The following PIK3C2G variants were observed in gnomAD, a reference collection of about 807,000 sequenced individuals.
PIK3C2G encodes phosphatidylinositol 3-kinase C2 domain-containing subunit gamma.
Under a neutral mutation model 181.1 loss-of-function variants are expected in PIK3C2G, and 168 were observed. That is an observed-to-expected ratio of 0.93 (90% confidence interval 0.82 to 1.05). PIK3C2G has a LOEUF of 1.05. Ranked by LOEUF, PIK3C2G falls within the 50% of genes least tolerant of loss-of-function variation. The pLI, the probability that PIK3C2G is intolerant of heterozygous loss-of-function variation, is 0.00. For synonymous variants in PIK3C2G, 573 were observed against 592.2 expected, an observed-to-expected ratio of 0.97 and a Z score of 0.47; for missense variants, 1,869 against 1,732.8, an observed-to-expected ratio of 1.08 and a Z score of -1.40.
chr12:18,431,239 A>AT (rs1333864692), intron 18 of PIK3C2G, among the ~76,000 whole-genome samples: 1 of 152,134 alleles, frequency 6.6e-6, no homozygotes, highest in Non-Finnish European at 1.5e-5. Context: ...TTAGTTTATC[A>AT]TTTTTTCATT....
the PIK3C2G span, among the ~76,000 whole-genome samples, chr12:18,703,180 T>G: frequency 6.6e-6 from 1 of 152,202 alleles, no homozygotes; most frequent in Non-Finnish European, 1.5e-5. Flanking sequence ...AATTCTTTAC[T>G]ATTTCTTTCC....
chr12:18,555,881 A>C (rs1194987204), intron 26 of PIK3C2G, among the ~76,000 whole-genome samples: 3 of 152,140 alleles, frequency 2.0e-5, no homozygotes, highest in Admixed American at 1.3e-4. Flanking sequence ...ACTACTTCTT[A>C]GTTGATGTCA....
chr12:18,318,144 T>C (rs1950949564), intron 6 of PIK3C2G, among the ~76,000 whole-genome samples: 1 of 152,224 alleles, frequency 6.6e-6, no homozygotes, highest in South Asian at 2.1e-4. Context: ...TGCAGTATCA[T>C]GACTTTTGTT....
chr12:18,469,728 T>C (rs1206908128), intron 18 of PIK3C2G, among the ~76,000 whole-genome samples: 2 of 151,936 alleles, frequency 1.3e-5, no homozygotes, highest in Non-Finnish European at 2.9e-5. Flanking sequence ...CATTTTATTT[T>C]TCTCCACAAA....
intron 31 of PIK3C2G, among the ~76,000 whole-genome samples, chr12:18,611,252 G>T (rs936400073): frequency 6.6e-6 from 1 of 151,954 alleles, no homozygotes; most frequent in Non-Finnish European, 1.5e-5. Context: ...ATGACCAAAT[G>T]ACCCTAAAAA....
At chr12:18,654,920 G>T in the PIK3C2G span, among the ~76,000 whole-genome samples, 1 of 151,658 alleles carries the variant, frequency 6.6e-6, no homozygotes, top group South Asian at 2.1e-4. Context: ...AAAGGAAAAA[G>T]AAAAAAGACA....
intron 5 of PIK3C2G, among the ~76,000 whole-genome samples, chr12:18,303,139 T>TTTCTTTCTTTCTTTCTTTCTTTC (rs71302109): frequency 0.021 from 2,639 of 128,318 alleles, 56 homozygotes; most frequent in Non-Finnish European, 0.029. Flanking sequence ...TCTTTCTTTC[T>TTTCTTTCTTTCTTTCTTTCTTTC]TTTCTTTTCT....
At chr12:18,447,027 G>C (rs1229436594) in intron 18 of PIK3C2G, among the ~76,000 whole-genome samples, 1 of 152,138 alleles carries the variant, frequency 6.6e-6, no homozygotes, top group African/African-American at 2.4e-5. Context: ...TTATACTTCT[G>C]TTTCTTCCCA....
At chr12:18,476,740 T>A (rs554929859) in intron 18 of PIK3C2G, among the ~76,000 whole-genome samples, 82 of 152,146 alleles carry the variant, frequency 5.4e-4, no homozygotes, top group African/African-American at 1.9e-3. Context: ...ATCCTATTCA[T>A]GGAGATAAGT....
intron 18 of PIK3C2G, among the ~76,000 whole-genome samples, chr12:18,432,535 T>C (rs571955527): frequency 6.6e-6 from 1 of 152,296 alleles, no homozygotes; most frequent in African/African-American, 2.4e-5. Context: ...GAGATTTGGG[T>C]TAAGTCCCTG....
At chr12:18,391,973 A>C (rs1412252048) in intron 15 of PIK3C2G, among the ~76,000 whole-genome samples, 1 of 152,150 alleles carries the variant, frequency 6.6e-6, no homozygotes, top group Non-Finnish European at 1.5e-5. Context: ...GTTTTAAACA[A>C]GGGAATCATG....
intron 2 of PIK3C2G, among the ~76,000 whole-genome samples, chr12:18,283,798 T>C (rs1220517017): frequency 7.2e-5 from 11 of 152,154 alleles, no homozygotes; most frequent in Non-Finnish European, 1.6e-4. Context: ...AAACTTTCCC[T>C]ACTCATCAAA....
At chr12:18,455,999 C>G (rs1292759664) in intron 18 of PIK3C2G, among the ~76,000 whole-genome samples, 1 of 152,010 alleles carries the variant, frequency 6.6e-6, no homozygotes, top group Non-Finnish European at 1.5e-5. Flanking sequence ...TCTGGAGTTC[C>G]CAGAAGTTAT....
the PIK3C2G span, chr12:18,695,001 T>C: frequency 3.2e-5 from 51 of 1,611,158 alleles, no homozygotes; most frequent in Non-Finnish European, 4.2e-5. Flanking sequence ...TTTCAAAATA[T>C]ATCCAGAACC....
intron 18 of PIK3C2G, among the ~76,000 whole-genome samples, chr12:18,443,162 T>C: frequency 6.6e-6 from 1 of 152,142 alleles, no homozygotes; most frequent in Non-Finnish European, 1.5e-5. Flanking sequence ...TGAGCCACCA[T>C]GCCCAGCCTA....
At chr12:18,510,336 T>C (rs536052610) in intron 24 of PIK3C2G, among the ~76,000 whole-genome samples, 2 of 152,342 alleles carry the variant, frequency 1.3e-5, no homozygotes, top group East Asian at 3.9e-4. Context: ...TCCACAATTT[T>C]GCACTCAATT....
At chr12:18,720,624 G>A in the PIK3C2G span, among the ~76,000 whole-genome samples, 1 of 151,794 alleles carries the variant, frequency 6.6e-6, no homozygotes, top group East Asian at 1.9e-4. Context: ...ATTTTTAGTT[G>A]CTATTATTAC....
chr12:18,601,560 G>A (rs73344904), intron 30 of PIK3C2G, among the ~76,000 whole-genome samples: 75 of 152,174 alleles, frequency 4.9e-4, no homozygotes, highest in African/African-American at 1.5e-3. Context: ...TCTATACTAC[G>A]TAGGATGTAG....
chr12:18,577,279 T>C (rs1057434606), intron 29 of PIK3C2G, among the ~76,000 whole-genome samples: 4 of 152,170 alleles, frequency 2.6e-5, no homozygotes, highest in African/African-American at 9.7e-5. Context: ...TTAATGAATA[T>C]TGTTGCCCAT....
Sources: allele counts gnomAD v4.1 joint callset (sites outside exome capture counted in the v4.1 genomes callset), GRCh38; gene constraint gnomAD v4.1.1; transcripts MANE v1.5; gene names NCBI Gene and HGNC (gene_info 2026-07-23, HGNC 2026-07-21).